HS3ST2: variants seen among roughly 807,000 people sequenced by gnomAD.
HS3ST2 encodes the protein heparan sulfate-glucosamine 3-sulfotransferase 2, also known as heparan sulfate glucosamine 3-O-sulfotransferase 2.
HS3ST2 carries 17 observed loss-of-function variants against 26.3 expected under a neutral mutation model. The ratio of observed to expected loss-of-function variants is 0.65; its 90% CI spans 0.44 to 0.97. The LOEUF (loss-of-function observed/expected upper bound fraction) is 0.97. Among genes scored for constraint, HS3ST2 ranks in the 50% least tolerant of loss-of-function variants. HS3ST2 has a pLI of 0.00. For synonymous variants in HS3ST2, 237 were observed against 219.2 expected (o/e 1.08, Z -0.72); for missense variants, 402 against 501.2 (o/e 0.80, Z 1.89).
intron 1 of HS3ST2, among the ~76,000 whole-genome samples, chr16:22,844,844 T>TCTTTG (rs1395714229): frequency 6.6e-6 from 1 of 151,484 alleles, no homozygotes; most frequent in East Asian, 1.9e-4. Context: ...CAGTTAAACC[T>TCTTTG]CTTTTCTTTT....
At chr16:22,857,037 A>G (rs565124240) in intron 1 of HS3ST2, among the ~76,000 whole-genome samples, 18 of 152,324 alleles carry the variant, frequency 1.2e-4, no homozygotes, top group Non-Finnish European at 2.4e-4. Context: ...TGTATGCACC[A>G]TGCCATTTCA....
chr16:22,879,714 T>C (rs1901962977), intron 1 of HS3ST2, among the ~76,000 whole-genome samples: 2 of 152,178 alleles, frequency 1.3e-5, no homozygotes, highest in African/African-American at 4.8e-5. Context: ...CATCAGTCTG[T>C]CAGCCTCTCT....
chr16:22,825,611 G>A (rs919841003), intron 1 of HS3ST2, among the ~76,000 whole-genome samples: 5 of 152,186 alleles, frequency 3.3e-5, no homozygotes, highest in African/African-American at 9.7e-5. Context: ...TGGCCAGAGA[G>A]GATTTCCTTG....
chr16:22,914,768 A>AGG, intron 1 of HS3ST2, among the ~76,000 whole-genome samples, 176 bp from the exon 2 acceptor site: 1 of 145,528 alleles, frequency 6.9e-6, no homozygotes, highest in African/African-American at 2.6e-5. Context: ...AAAAAAAGAG[A>AGG]AGAAAAGAAA....
intron 1 of HS3ST2, among the ~76,000 whole-genome samples, chr16:22,892,828 A>G (rs1902148207): frequency 6.6e-6 from 1 of 152,226 alleles, no homozygotes; most frequent in African/African-American, 2.4e-5. Context: ...CGGCTCTTCA[A>G]AATGCGTTGG....
chr16:22,840,700 A>G (rs1341708114), intron 1 of HS3ST2, among the ~76,000 whole-genome samples: 1 of 152,198 alleles, frequency 6.6e-6, no homozygotes, highest in Non-Finnish European at 1.5e-5. Flanking sequence ...GCTACATGCT[A>G]GAAAGAATGG....
At chr16:22,838,169 C>T (rs1476684748) in intron 1 of HS3ST2, among the ~76,000 whole-genome samples, 3 of 151,984 alleles carry the variant, frequency 2.0e-5, no homozygotes, top group East Asian at 1.9e-4. Flanking sequence ...AGAATCTGTG[C>T]AAAAATCCCT....
intron 1 of HS3ST2, among the ~76,000 whole-genome samples, chr16:22,876,542 C>A (rs1901920912): frequency 6.6e-6 from 1 of 152,096 alleles, no homozygotes; most frequent in Non-Finnish European, 1.5e-5. Flanking sequence ...TTTATGCTGC[C>A]AGTGTCAACG....
intron 1 of HS3ST2, among the ~76,000 whole-genome samples, chr16:22,838,809 C>T (rs1351313554): frequency 4.6e-5 from 7 of 152,166 alleles, no homozygotes; most frequent in South Asian, 2.1e-4. Context: ...TTGTGCCTTA[C>T]GACCTCTTGA....
intron 1 of HS3ST2, among the ~76,000 whole-genome samples, chr16:22,877,107 C>T (rs1192743815): frequency 1.3e-5 from 2 of 152,088 alleles, no homozygotes; most frequent in Admixed American, 6.6e-5. Context: ...AAACACCAGC[C>T]GTTCCCCAAA....
chr16:22,849,873 C>T (rs1290093674), intron 1 of HS3ST2, among the ~76,000 whole-genome samples: 5 of 152,164 alleles, frequency 3.3e-5, no homozygotes, highest in African/African-American at 1.2e-4. Flanking sequence ...CACACCAGTC[C>T]TGGGATTCCC....
intron 1 of HS3ST2, among the ~76,000 whole-genome samples, chr16:22,846,249 C>T (rs1901430346): frequency 6.6e-6 from 1 of 151,290 alleles, no homozygotes; most frequent in Non-Finnish European, 1.5e-5. Context: ...TGCTCTCCAG[C>T]CTGGGTGGCA....
chr16:22,893,634 CT>C (rs56664558), intron 1 of HS3ST2, among the ~76,000 whole-genome samples: 25 of 130,266 alleles, frequency 1.9e-4, no homozygotes, highest in African/African-American at 5.5e-4. Context: ...TTTTTCTTTT[CT>C]TTTTTTTTTT....
intron 1 of HS3ST2, among the ~76,000 whole-genome samples, chr16:22,847,861 AAAG>A (rs1901462119): frequency 6.6e-6 from 1 of 151,332 alleles, no homozygotes; most frequent in Non-Finnish European, 1.5e-5. Flanking sequence ...GGAAGGAGAA[AAAG>A]AAAAAAAAAG....
chr16:22,857,167 A>C (rs1180824565), intron 1 of HS3ST2, among the ~76,000 whole-genome samples: 2 of 152,188 alleles, frequency 1.3e-5, no homozygotes, highest in African/African-American at 4.8e-5. Flanking sequence ...TTTCAATCCC[A>C]TGACTTTGTT....
At chr16:22,901,941 A>G (rs1038481798) in intron 1 of HS3ST2, among the ~76,000 whole-genome samples, 1 of 152,200 alleles carries the variant, frequency 6.6e-6, no homozygotes, top group Admixed American at 6.5e-5. Flanking sequence ...GCAAAGAGAA[A>G]AATAAATCCG....
rs111409054 is a variant in HS3ST2, at chr16:22,829,278, G to A, written c.485+14183G>A. 3.0e-3 allele frequency among the ~76,000 whole-genome samples: 450 copies of A among 152,294 alleles called. 1 individual carries two copies. The highest frequency in any genetic ancestry group is 8.2e-3 in the African/African-American group (342 of 41,564). ...CTCAACATCCTTAGGGATTCTGTGG[G>A]CACAGAAATGAATGAATGAAGTTGG... On this transcript the variant is annotated intron_variant, in intron 1 of 1. Coordinates refer to ENST00000261374, the MANE Select transcript of HS3ST2 (RefSeq NM_006043.2).
chr16:22,915,009 C>A lies in HS3ST2; in HGVS notation c.551C>A (p.Thr184Asn). ...GAGAAGACGCCCAGCTACTTTGTCA[C>A]TCAAGAGGCTCCTCGACGCATCTTC... ...TLEKTPSYFV[T>N]QEAPRRIFNM... The change falls in exon 2 of 2, where the codon ACT becomes AAT. Residue 184 changes from threonine to asparagine, a missense_variant. Physicochemically the swap from Thr to Asn is moderately conservative, Grantham distance 65. This residue lies in a region of HS3ST2 where 237 missense variants were observed against 346.6 expected (regional missense o/e 0.68). Coordinates refer to ENST00000261374, the MANE Select transcript of HS3ST2 (RefSeq NM_006043.2). The A allele has an allele frequency of 6.2e-7, 1 of 1,614,044 alleles. No individual in the cohort carries two copies. The highest frequency in any genetic ancestry group is 8.5e-7 in the Non-Finnish European group (1 of 1,180,008).
chr16:22,836,227 T>A (rs1221605408), intron 1 of HS3ST2, among the ~76,000 whole-genome samples: 2 of 152,202 alleles, frequency 1.3e-5, no homozygotes, highest in African/African-American at 4.8e-5. Flanking sequence ...TAGCATGATT[T>A]AAAAAATAAT....
Sources: gnomAD v4.1 joint callset for allele counts (sites outside exome capture counted in the v4.1 genomes callset) on GRCh38, gnomAD v4.1.1 for gene constraint, gnomAD v4.1.1 regional missense constraint, MANE v1.5 for transcripts, NCBI Gene and HGNC (gene_info 2026-07-23, HGNC 2026-07-21) for gene names.